The following CYP3A5 variants were observed in gnomAD, a reference collection of about 807,000 sequenced individuals.
CYP3A5 encodes the protein cytochrome P450 family 3 subfamily A member 5, also known as cytochrome P450 3A5.
CYP3A5 carries 51 observed loss-of-function variants against 55.9 expected under a neutral mutation model. The ratio of observed to expected loss-of-function variants is 0.91; its 90% CI spans 0.73 to 1.15. The LOEUF (loss-of-function observed/expected upper bound fraction) is 1.15, where lower values mean the gene tolerates loss of function less well. Among genes scored for constraint, CYP3A5 ranks in the 50% most tolerant of loss-of-function variants. The pLI, the probability that CYP3A5 is intolerant of heterozygous loss-of-function variation, is 0.00. For missense variants in CYP3A5, 533 were observed against 596.6 expected (o/e 0.89, Z 1.11); for synonymous variants, 196 against 213.9 (o/e 0.92, Z 0.73).
At chr7:99,651,183 G>A (rs992668549) in intron 11 of CYP3A5, among the ~76,000 whole-genome samples, 3 of 152,166 alleles carry the variant, frequency 2.0e-5, no homozygotes, top group South Asian at 2.1e-4. Flanking sequence ...TAGATATATG[G>A]AGATGCACGA....
intron 2 of CYP3A5, among the ~76,000 whole-genome samples, chr7:99,675,635 TCCTCTCCTCCCCCCTCC>T (rs1812162430): frequency 5.7e-5 from 1 of 17,694 alleles, no homozygotes; most frequent in Non-Finnish European, 1.3e-4. Context: ...TTCTCTCCTC[TCCTCTCCTCCCCCCTCC>T]CCTCCCCTCC....
At chr7:99,650,356 T>C in intron 11 of CYP3A5, 124 bp from the exon 12 acceptor site, 1 of 852,018 alleles carries the variant, frequency 1.2e-6, no homozygotes, top group East Asian at 2.5e-5. Context: ...AGGATACTTT[T>C]GTGGGCTGGT....
intron 10 of CYP3A5, among the ~76,000 whole-genome samples, chr7:99,658,429 T>C (rs1184444271): frequency 6.6e-6 from 1 of 152,214 alleles, no homozygotes. Flanking sequence ...TACTGGCTTG[T>C]AGAGTTTCTG....
In CYP3A5 at chr7:99,662,188, A is replaced by T. The variant is rs1810518543; in HGVS notation, c.865+628T>A. Reference sequence around the variant, plus strand: ...TAGAACCAATTGTTAAATATTCAAAAATTTTGTGAGATGGTTGCCAAATCT... The same window carrying T: ...TAGAACCAATTGTTAAATATTCAAATATTTTGTGAGATGGTTGCCAAATCT... On this transcript the variant is annotated intron_variant, in intron 9 of 12. Transcript: ENST00000222982. This position sits in a 1 kb window ranked among gnomAD's most constrained non-coding sequence, Gnocchi z 4.3. Among the ~76,000 whole-genome samples the T allele has an allele frequency of 2.0e-5, 3 of 152,264 alleles. No homozygotes were observed. The South Asian group carries it at 6.2e-4, about 32-fold the overall frequency.
chr7:99,665,073 A>T, intron 7 of CYP3A5, 93 bp downstream of exon 7: 1 of 1,103,338 alleles, frequency 9.1e-7, no homozygotes, highest in East Asian at 2.6e-5. Context: ...ATGGAATTGT[A>T]CCTTTTAAGT....
chr7:99,654,084 A>G (rs12334072), intron 10 of CYP3A5, among the ~76,000 whole-genome samples: 38,816 of 150,680 alleles, frequency 0.26, 9,335 homozygotes, highest in African/African-American at 0.64. Context: ...GAGGTTTTTG[A>G]ATTTTTTTTT....
At chr7:99,666,899 G>GT in intron 5 of CYP3A5, 53 bp downstream of exon 5, 1 of 1,604,762 alleles carries the variant, frequency 6.2e-7, no homozygotes, top group Non-Finnish European at 8.5e-7. Context: ...CTTTCTACCT[G>GT]TCCCCAGATT....
rs1809378534 is a variant in CYP3A5 at position 99,653,448 on chromosome 7, C to CTG, written c.1027-670_1027-669insCA. On this transcript the variant is annotated intron_variant, in intron 10 of 12. Coordinates refer to ENST00000222982, the MANE Select transcript of CYP3A5 (RefSeq NM_000777.5). This position sits in a 1 kb window ranked among gnomAD's most constrained non-coding sequence, Gnocchi z 4.2. ...CTTGGGTCGTAGAGTCAGACCCTGT[C>CTG]TCAAATAAATAAATAAATAAATAAA... Among the ~76,000 whole-genome samples the CTG allele has an allele frequency of 5.6e-5, 3 of 53,902 alleles. No homozygotes were observed. The highest frequency in any genetic ancestry group is 1.1e-4 in the African/African-American group (1 of 9,232). 35.4% of individuals were successfully genotyped at this position (53,902 alleles called of 152,430 possible). A position where few individuals can be genotyped will look rare whatever the true frequency, so the allele number is the denominator to read the frequency against.
At chr7:99,648,988 A>G (rs1808892783) in intron 12 of CYP3A5, among the ~76,000 whole-genome samples, 1 of 152,176 alleles carries the variant, frequency 6.6e-6, no homozygotes, top group Non-Finnish European at 1.5e-5. Flanking sequence ...CTCAAGTTGT[A>G]CAGTGTTTTG....
rs545108793 is a variant in CYP3A5 at position 99,653,957 on chromosome 7, G to C, written c.1027-1178C>G. 2.6e-5 allele frequency among the ~76,000 whole-genome samples: 4 copies of C among 152,092 alleles called. No individual in the cohort carries two copies. Among genetic ancestry groups the C allele is most frequent in the African/African-American group, 9.7e-5 (4 of 41,394 alleles). ...GGGGAGAGCTGAGTCAGCCTCCATCGCGCCCCCAGGGCCAGGCTACCTCAG... is the reference window on the plus strand; with the variant it reads ...GGGGAGAGCTGAGTCAGCCTCCATCCCGCCCCCAGGGCCAGGCTACCTCAG... On this transcript the variant is annotated intron_variant, in intron 10 of 12. Coordinates refer to ENST00000222982, the MANE Select transcript of CYP3A5 (RefSeq NM_000777.5). The surrounding 1 kb of genome is among the most constrained non-coding windows in gnomAD (Gnocchi z 4.2).
intron 12 of CYP3A5, among the ~76,000 whole-genome samples, chr7:99,649,760 G>A (rs1808986421): frequency 6.6e-6 from 1 of 152,146 alleles, no homozygotes; most frequent in Admixed American, 6.5e-5. Context: ...TCACAGCCAG[G>A]TAATCATTGC....
intron 10 of CYP3A5, among the ~76,000 whole-genome samples, chr7:99,655,610 G>A (rs1162813178): frequency 6.6e-6 from 1 of 152,184 alleles, no homozygotes; most frequent in Non-Finnish European, 1.5e-5. Context: ...TTCCAGTTCT[G>A]TGAAGAAAGT....
intron 11 of CYP3A5, 142 bp downstream of exon 11, chr7:99,652,411 G>T: frequency 1.9e-4 from 104 of 550,106 alleles, no homozygotes; most frequent in East Asian, 4.6e-4. Flanking sequence ...TGTAAAGTTT[G>T]ATAATTATCA....
chr7:99,672,613 C>A lies in CYP3A5; in HGVS notation c.285G>T (p.Val95=), dbSNP rs559306708. Residue 95 remains valine (V), a synonymous_variant, in exon 4 of 13, where the codon GTG becomes GTT. Coordinates refer to ENST00000222982, the MANE Select transcript of CYP3A5 (RefSeq NM_000777.5). ...TTGTGAAGACAGAATAACATTCTTT[C>A]ACTAGCACTGTTCTGATCACGTCGG... is the stretch of plus-strand genomic sequence containing the variant. The part of the protein sequence containing the change: ...TDPDVIRTVL[V]KECYSVFTNR... The A allele has an allele frequency of 2.2e-5, 36 of 1,614,094 alleles. No individual in the cohort carries two copies. In the South Asian group the frequency reaches 4.0e-4, roughly 18 times the overall value.
intron 4 of CYP3A5, chr7:99,671,676 G>A: frequency 1.7e-6 from 1 of 605,882 alleles, no homozygotes; most frequent in Non-Finnish European, 2.9e-6. Flanking sequence ...CTAAGCAAAG[G>A]ATTTTCAGAC....
rs1170602456 is a variant in CYP3A5, at chr7:99,650,098, GAGA to G, written c.1385_1387del (p.Phe462del). 1.9e-6 allele frequency: 3 copies of G among 1,614,014 alleles called. No individual in the cohort carries two copies. Among genetic ancestry groups the G allele is most frequent in the Non-Finnish European group, 2.5e-6 (3 of 1,179,990 alleles). Reference sequence around the variant, plus strand: ...CTGTGTTTCTTTACAAGGTTTGAAGGAGAAGTTCTGAAGGACTCTGATTAGAGC... The same window carrying G: ...CTGTGTTTCTTTACAAGGTTTGAAGGAGTTCTGAAGGACTCTGATTAGAGC... On this transcript the variant is annotated inframe_deletion, in exon 12 of 13. Coordinates refer to ENST00000222982, the MANE Select transcript of CYP3A5 (RefSeq NM_000777.5).
In CYP3A5 at chr7:99,674,534, C is replaced by G. The variant is rs781230602; in HGVS notation, c.217G>C (p.Gly73Arg). ...ECYKKYGKMW[G>R]TYEGQLPVLA... ...AATGGAGGTTTTCAGAATACTCACC[C>G]CCACATTTTTCCATACTTTTTATAG... Residue 73 changes from glycine (G) to arginine (R), a missense_variant and splice_region_variant, in exon 3 of 13, where the codon GGA becomes CGA. By Grantham distance (125) the Gly-to-Arg change is moderately radical. Transcript: ENST00000222982. 1 of 1,613,502 alleles carries G rather than the reference C, an allele frequency of 6.2e-7. No individual in the cohort carries two copies. The highest frequency in any genetic ancestry group is 2.2e-5 in the East Asian group (1 of 44,864).
intron 4 of CYP3A5, among the ~76,000 whole-genome samples, chr7:99,667,808 A>C (rs1485024551): frequency 6.6e-6 from 1 of 152,212 alleles, no homozygotes. Flanking sequence ...GATAAAGACA[A>C]TCTGTAAAAA....
intron 9 of CYP3A5, 48 bp from the exon 10 acceptor site, chr7:99,660,707 C>T: frequency 1.9e-6 from 3 of 1,599,316 alleles, no homozygotes; most frequent in Non-Finnish European, 2.6e-6. Context: ...CAACGTACAA[C>T]ATCACAGCTT....
Sources: gnomAD v4.1 joint callset for allele counts (sites outside exome capture counted in the v4.1 genomes callset) on GRCh38, gnomAD v4.1.1 for gene constraint, Gnocchi (gnomAD v3.1) non-coding constraint, MANE v1.5 for transcripts, NCBI Gene and HGNC (gene_info 2026-07-23, HGNC 2026-07-21) for gene names.